RPH3AL: variants seen among roughly 807,000 people sequenced by gnomAD.
RPH3AL encodes rab effector Noc2.
A neutral mutation model predicts 43.1 loss-of-function variants in RPH3AL; 38 were observed. The observed-to-expected ratio is 0.88, with a 90% confidence interval of 0.68 to 1.15. The LOEUF is 1.15. RPH3AL is among the 50% of genes most tolerant of loss of function. The pLI is 0.00. For missense variants in RPH3AL, 462 were observed against 423.2 expected, an observed-to-expected ratio of 1.09 and a Z score of -0.81; for synonymous variants, 189 against 176.3, an observed-to-expected ratio of 1.07 and a Z score of -0.57.
At chr17:251,077 T>A (rs1187798367) in intron 6 of RPH3AL, among the ~76,000 whole-genome samples, 8 of 152,196 alleles carry the variant, frequency 5.3e-5, no homozygotes, top group African/African-American at 1.9e-4. Flanking sequence ...GCAGGGCACC[T>A]CCTTATGCTC....
At chr17:329,528 T>C (rs929580782) in intron 2 of RPH3AL, among the ~76,000 whole-genome samples, 8 of 152,352 alleles carry the variant, frequency 5.3e-5, no homozygotes, top group African/African-American at 1.7e-4. Context: ...ATACATGGGC[T>C]ATGACCATTG....
chr17:318,385 G>C (rs1252629194), intron 5 of RPH3AL, among the ~76,000 whole-genome samples: 1 of 152,032 alleles, frequency 6.6e-6, no homozygotes, highest in African/African-American at 2.4e-5. Flanking sequence ...CCGTCTCTGG[G>C]GGTGGAAAAA....
rs1419622420 is a variant in RPH3AL at position 283,504 on chromosome 17, A to C, written c.352-1650T>G. 1.3e-5 allele frequency among the ~76,000 whole-genome samples: 2 copies of C among 152,162 alleles called. No homozygotes were observed. Among genetic ancestry groups the C allele is most frequent in the African/African-American group, 4.8e-5 (2 of 41,432 alleles). ...TCCTGTCCCTCTGGATTGGCAGGAA[A>C]ATCTGCCCAAGCCTCAGCCACACTT... On this transcript the variant is annotated intron_variant, in intron 5 of 9. Coordinates refer to ENST00000331302, the MANE Select transcript of RPH3AL (RefSeq NM_006987.4). The surrounding 1 kb of genome is among the most constrained non-coding windows in gnomAD (Gnocchi z 4.2).
intron 5 of RPH3AL, among the ~76,000 whole-genome samples, chr17:285,874 CCGTCTAG>C (rs1423499968): frequency 6.6e-6 from 1 of 152,188 alleles, no homozygotes; most frequent in Non-Finnish European, 1.5e-5. Flanking sequence ...CACCCCCATC[CCGTCTAG>C]CGCTCACCTC....
In RPH3AL at chr17:263,910, C is replaced by T. The variant is rs528176041; in HGVS notation, c.439-16625G>A. Among the ~76,000 whole-genome samples, 399 of 152,234 alleles carry T rather than the reference C, an allele frequency of 2.6e-3. 2 individuals are homozygous for T. Among genetic ancestry groups the T allele is most frequent in the African/African-American group, 9.0e-3 (374 of 41,540 alleles). ...GGAATTGTGGCCGTGGGCACCTCGACGGGTTTTCAAGGGGGAACCAAAGTT... is the reference window on the plus strand; with the variant it reads ...GGAATTGTGGCCGTGGGCACCTCGATGGGTTTTCAAGGGGGAACCAAAGTT... On this transcript the variant is annotated intron_variant, in intron 6 of 9. Transcript: ENST00000331302.
At chr17:251,631 T>C (rs1435843267) in intron 6 of RPH3AL, among the ~76,000 whole-genome samples, 4 of 152,342 alleles carry the variant, frequency 2.6e-5, no homozygotes, top group African/African-American at 9.6e-5. Context: ...TGGAGAGGAC[T>C]GCCTGACAGG....
chr17:330,906 G>A (rs1322355532), intron 2 of RPH3AL: 2 of 151,924 alleles, frequency 1.3e-5, no homozygotes, highest in Non-Finnish European at 2.9e-5. Flanking sequence ...TGAAATTTTG[G>A]CTTTTATGTA....
At position 327,466 on chromosome 17, in the gene RPH3AL, C is replaced by T; in HGVS notation, c.77+1G>A. The T allele has an allele frequency of 6.2e-7, 1 of 1,613,854 alleles. No homozygotes were observed. The highest frequency in any genetic ancestry group is 8.5e-7 in the Non-Finnish European group (1 of 1,179,910). On this transcript the variant is annotated splice_donor_variant, in intron 3 of 9. Transcript: ENST00000331302. LOFTEE classifies it high-confidence loss of function. Reference sequence around the variant, plus strand: ...GCCTGGGGGGCCCCAGAGGTACTCACTTGGCTCGAAGGGCAAGCTGCCGGT... The same window carrying T: ...GCCTGGGGGGCCCCAGAGGTACTCATTTGGCTCGAAGGGCAAGCTGCCGGT...
chr17:226,030 C>T (rs779561568), intron 7 of RPH3AL, among the ~76,000 whole-genome samples: 4 of 152,240 alleles, frequency 2.6e-5, no homozygotes, highest in South Asian at 2.1e-4. Context: ...GTCGTGAGGA[C>T]GGCGTTTGTT....
At chr17:279,343 T>G (rs2042726864) in intron 6 of RPH3AL, among the ~76,000 whole-genome samples, 1 of 152,156 alleles carries the variant, frequency 6.6e-6, no homozygotes, top group South Asian at 2.1e-4. Flanking sequence ...GTGCACCATA[T>G]GCCTGGTGCT....
rs572623694 is a variant in RPH3AL, at chr17:281,427, A to G, written c.438+341T>C. On this transcript the variant is annotated intron_variant, in intron 6 of 9. Transcript: ENST00000331302. ...TCAGCGTTCACCCTGGGTAGCTACT[A>G]CTGTTACCATAATAACAGCCCCCAC... is the stretch of plus-strand genomic sequence containing the variant. 5.9e-5 allele frequency among the ~76,000 whole-genome samples: 9 copies of G among 152,006 alleles called. 1 individual carries two copies. The South Asian group carries it at 1.0e-3, about 18-fold the overall frequency.
chr17:296,451 G>A (rs1411988427), intron 5 of RPH3AL, among the ~76,000 whole-genome samples: 5 of 151,708 alleles, frequency 3.3e-5, no homozygotes, highest in Non-Finnish European at 7.4e-5. Context: ...AGACATGAAC[G>A]GGCAGAGGGA....
intron 5 of RPH3AL, among the ~76,000 whole-genome samples, chr17:312,795 C>T (rs2043676606): frequency 6.6e-6 from 1 of 152,142 alleles, no homozygotes; most frequent in Non-Finnish European, 1.5e-5. Context: ...TGTACGAGAC[C>T]GCGCCACCGT....
intron 5 of RPH3AL, among the ~76,000 whole-genome samples, chr17:315,165 C>G (rs71278595): frequency 7.8e-4 from 2 of 2,558 alleles, no homozygotes; most frequent in African/African-American, 8.1e-4. Flanking sequence ...GTCCCTGTGC[C>G]CCCACCTCCA....
chr17:293,997 C>T (rs1441941553), intron 5 of RPH3AL, among the ~76,000 whole-genome samples: 2 of 151,962 alleles, frequency 1.3e-5, no homozygotes, highest in African/African-American at 4.9e-5. Flanking sequence ...CACTGCATTA[C>T]AGCCTGGGTG....
At chr17:351,708 A>G (rs751822550) in intron 1 of RPH3AL, among the ~76,000 whole-genome samples, 4 of 151,622 alleles carry the variant, frequency 2.6e-5, no homozygotes, top group Non-Finnish European at 5.9e-5. Context: ...AAATCAACCC[A>G]CTCTTTTACT....
chr17:227,794 G>C (rs1185567598), intron 7 of RPH3AL, among the ~76,000 whole-genome samples: 3 of 152,138 alleles, frequency 2.0e-5, no homozygotes, highest in African/African-American at 7.2e-5. Context: ...CAGAAATTAT[G>C]GGAATTATAG....
At chr17:252,504 A>G (rs1267816460) in intron 6 of RPH3AL, among the ~76,000 whole-genome samples, 1 of 152,084 alleles carries the variant, frequency 6.6e-6, no homozygotes, top group Non-Finnish European at 1.5e-5. Context: ...CTGTCCCCCA[A>G]CACCTCACTA....
At chr17:218,662 C>A (rs965613385) in intron 8 of RPH3AL, among the ~76,000 whole-genome samples, 2 of 152,222 alleles carry the variant, frequency 1.3e-5, no homozygotes, top group Non-Finnish European at 2.9e-5. Flanking sequence ...AAATGTCTTT[C>A]CTTTCCTCTC....
Sources: gnomAD v4.1 joint callset for allele counts (sites outside exome capture counted in the v4.1 genomes callset) on GRCh38, gnomAD v4.1.1 for gene constraint, Gnocchi (gnomAD v3.1) non-coding constraint, MANE v1.5 for transcripts, NCBI Gene and HGNC (gene_info 2026-07-23, HGNC 2026-07-21) for gene names.